HS3ST3A1: variants seen among roughly 807,000 people sequenced by gnomAD.
The protein encoded by HS3ST3A1 is heparan sulfate glucosamine 3-O-sulfotransferase 3A1.
In HS3ST3A1, 19 loss-of-function variants were observed where a neutral mutation model predicts 25.7. That is an observed-to-expected ratio of 0.74 (90% CI 0.52 to 1.08). HS3ST3A1 has a LOEUF of 1.08. HS3ST3A1 is among the 50% of genes least tolerant of loss of function. The probability of loss-of-function intolerance (pLI) is 0.00; values close to 1 mark genes in which losing one functional copy is unlikely to be tolerated. For synonymous variants in HS3ST3A1, 226 were observed against 278.6 expected (o/e 0.81, Z 1.88); for missense variants, 459 against 594.3 (o/e 0.77, Z 2.37).
intron 1 of HS3ST3A1, among the ~76,000 whole-genome samples, chr17:13,586,849 G>A (rs1276146240): frequency 1.1e-5 from 1 of 91,678 alleles, no homozygotes; most frequent in Admixed American, 1.6e-4. Flanking sequence ...CAGCCTGGGC[G>A]ACAGAGAGAG....
In HS3ST3A1 at chr17:13,502,239, C is replaced by T. The variant is rs150984764; in HGVS notation, c.600-5421G>A. Among the ~76,000 whole-genome samples the T allele has an allele frequency of 1.5e-3, 224 of 152,190 alleles. 1 individual carries two copies. Among genetic ancestry groups the T allele is most frequent in the African/African-American group, 5.2e-3 (216 of 41,520 alleles). Reference sequence around the variant, plus strand: ...CTAAGTTGTCCTCTGTTTTCTACCCCAGCCTTCAACCAGGTCAGGAATTAA... The same window carrying T: ...CTAAGTTGTCCTCTGTTTTCTACCCTAGCCTTCAACCAGGTCAGGAATTAA... On this transcript the variant is annotated intron_variant, in intron 1 of 1. Transcript: ENST00000284110.
intron 1 of HS3ST3A1, among the ~76,000 whole-genome samples, chr17:13,592,008 C>G (rs866328635): frequency 2.6e-5 from 4 of 152,098 alleles, no homozygotes; most frequent in Admixed American, 2.6e-4. Flanking sequence ...TCAGAATGTC[C>G]AAGTCACTCT....
rs76340261 is a variant in HS3ST3A1 at position 13,593,946 on chromosome 17, C to T, written c.599+6585G>A. 0.012 allele frequency among the ~76,000 whole-genome samples: 1,849 copies of T among 152,280 alleles called. 67 individuals are homozygous for T. The East Asian group carries it at 0.12, about 10-fold the overall frequency. ...CAGACCCAGGATCCGACCAAGGGCACCCTCGTGTTTACTTGTTAGTAATGA... is the reference window on the plus strand; with the variant it reads ...CAGACCCAGGATCCGACCAAGGGCATCCTCGTGTTTACTTGTTAGTAATGA... On this transcript the variant is annotated intron_variant, in intron 1 of 1. Transcript: ENST00000284110.
intron 1 of HS3ST3A1, chr17:13,555,988 C>T (rs1907361678): frequency 6.6e-6 from 1 of 152,202 alleles, no homozygotes; most frequent in Non-Finnish European, 1.5e-5. Flanking sequence ...TTCTCCCAAT[C>T]TTATGCAAAA....
chr17:13,574,670 A>C (rs1315092151), intron 1 of HS3ST3A1, among the ~76,000 whole-genome samples: 2 of 151,838 alleles, frequency 1.3e-5, no homozygotes, highest in African/African-American at 4.8e-5. Context: ...GTGAGCTGAG[A>C]TCATGCCACT....
At chr17:13,555,710 A>G (rs1188862700) in intron 1 of HS3ST3A1, among the ~76,000 whole-genome samples, 1 of 152,132 alleles carries the variant, frequency 6.6e-6, no homozygotes, top group Non-Finnish European at 1.5e-5. Context: ...AATGCAAAAG[A>G]TGTTTATAAT....
chr17:13,576,668 G>A (rs1907955616), intron 1 of HS3ST3A1, among the ~76,000 whole-genome samples: 1 of 152,188 alleles, frequency 6.6e-6, no homozygotes, highest in African/African-American at 2.4e-5. Context: ...GGTGTTAAGG[G>A]TGTCCAAAAA....
chr17:13,543,679 A>G (rs1276032152), intron 1 of HS3ST3A1: 3 of 157,392 alleles, frequency 1.9e-5, no homozygotes, highest in Non-Finnish European at 4.4e-5. Flanking sequence ...GGAAATCTAG[A>G]ACTGGTTGGA....
At chr17:13,583,079 A>G (rs1478300123) in intron 1 of HS3ST3A1, among the ~76,000 whole-genome samples, 1 of 152,226 alleles carries the variant, frequency 6.6e-6, no homozygotes, top group Non-Finnish European at 1.5e-5. Flanking sequence ...ATCCACGGCC[A>G]TAGAAAGGCA....
At chr17:13,576,511 A>C (rs186018915) in intron 1 of HS3ST3A1, among the ~76,000 whole-genome samples, 26 of 152,336 alleles carry the variant, frequency 1.7e-4, no homozygotes, top group Middle Eastern at 3.4e-3. Context: ...TGGAAGATAC[A>C]TCTCATCACT....
intron 1 of HS3ST3A1, among the ~76,000 whole-genome samples, chr17:13,556,199 G>A (rs947962049): frequency 2.6e-5 from 4 of 152,148 alleles, no homozygotes; most frequent in South Asian, 2.1e-4. Context: ...CCTAGATTTG[G>A]GGAGAATTAG....
At position 13,529,877 on chromosome 17, in the gene HS3ST3A1, C is replaced by G. The variant is rs182500853; in HGVS notation, c.600-33059G>C. On this transcript the variant is annotated intron_variant, in intron 1 of 1. Transcript: ENST00000284110. Reference sequence around the variant, plus strand: ...GCAGGTGGGTTCTAGAGCTCCCCCCCACCCCAATTCAGTCATCATGAATTG... The same window carrying G: ...GCAGGTGGGTTCTAGAGCTCCCCCCGACCCCAATTCAGTCATCATGAATTG... 2.8e-3 allele frequency among the ~76,000 whole-genome samples: 429 copies of G among 151,834 alleles called. 2 individuals are homozygous for G. Among genetic ancestry groups the G allele is most frequent in the African/African-American group, 9.5e-3 (396 of 41,476 alleles).
At chr17:13,504,094 C>G (rs182715826) in intron 1 of HS3ST3A1, among the ~76,000 whole-genome samples, 22 of 152,038 alleles carry the variant, frequency 1.4e-4, no homozygotes, top group African/African-American at 4.6e-4. Flanking sequence ...GTGGGTGGAT[C>G]ATGAGGTCAG....
At position 13,495,265 on chromosome 17, in the gene HS3ST3A1, C is replaced by T. The variant is rs941517620; in HGVS notation, c.*932G>A. On this transcript the variant is annotated 3_prime_UTR_variant, in exon 2 of 2. Transcript: ENST00000284110. ...CATGCAAGAATCCAATAATTCCTCT[C>T]CAATTCAATCAAGCATTCATCAGTC... Among the ~76,000 whole-genome samples, 6 of 152,084 alleles carry T rather than the reference C, an allele frequency of 3.9e-5. No homozygotes were observed. The highest frequency in any genetic ancestry group is 1.4e-4 in the African/African-American group (6 of 41,394).
intron 1 of HS3ST3A1, among the ~76,000 whole-genome samples, chr17:13,566,321 A>G (rs12051798): frequency 0.064 from 9,747 of 152,226 alleles, 712 homozygotes; most frequent in African/African-American, 0.17. Context: ...ATAGAAGACA[A>G]GGAATTTTAT....
chr17:13,538,970 ATCTGC>A (rs1400695709), intron 1 of HS3ST3A1, among the ~76,000 whole-genome samples: 2 of 152,302 alleles, frequency 1.3e-5, no homozygotes, highest in African/African-American at 4.8e-5. Context: ...TAAGTGATTC[ATCTGC>A]TCCATGTGAT....
At chr17:13,500,543 A>T (rs1006437707) in intron 1 of HS3ST3A1, among the ~76,000 whole-genome samples, 1 of 152,190 alleles carries the variant, frequency 6.6e-6, no homozygotes, top group Non-Finnish European at 1.5e-5. Flanking sequence ...GTGAAGAAGT[A>T]TGGGAGAAAT....
At chr17:13,525,598 G>T (rs1906386664) in intron 1 of HS3ST3A1, among the ~76,000 whole-genome samples, 1 of 152,104 alleles carries the variant, frequency 6.6e-6, no homozygotes, top group African/African-American at 2.4e-5. Flanking sequence ...ACAAATTAGA[G>T]ATTTTCTCCT....
rs57836547 is a variant in HS3ST3A1 at position 13,571,295 on chromosome 17, T to C, written c.599+29236A>G. On this transcript the variant is annotated intron_variant, in intron 1 of 1. Coordinates refer to ENST00000284110, the MANE Select transcript of HS3ST3A1 (RefSeq NM_006042.3). ...AATACTAGAGTAAGTACATAACCTC[T>C]GCTGGGGACTGCTTTGATGGACATT... Among the ~76,000 whole-genome samples the C allele has an allele frequency of 0.012, 1,828 of 152,356 alleles. 82 individuals carry two copies. In the East Asian group the frequency reaches 0.12, roughly 10 times the overall value.
Sources: gnomAD v4.1 joint callset for allele counts (sites outside exome capture counted in the v4.1 genomes callset) on GRCh38, gnomAD v4.1.1 for gene constraint, MANE v1.5 for transcripts, NCBI Gene and HGNC (gene_info 2026-07-23, HGNC 2026-07-21) for gene names.